SLC35F2: variants seen among roughly 807,000 people sequenced by gnomAD.
The protein encoded by SLC35F2 is solute carrier family 35 member F2, also known as queuine/queuosine transporter SLC35F2.
A neutral mutation model predicts 38.1 loss-of-function variants in SLC35F2; 25 were observed. The observed-to-expected ratio is 0.66, with a 90% CI of 0.48 to 0.92. The LOEUF (loss-of-function observed/expected upper bound fraction) is 0.92. Among genes scored for constraint, SLC35F2 ranks in the 40% least tolerant of loss-of-function variants. The pLI, the probability that SLC35F2 is intolerant of heterozygous loss-of-function variation, is 0.00. For missense variants in SLC35F2, 409 were observed against 452.9 expected (o/e 0.90, Z 0.88); for synonymous variants, 173 against 181.7 (o/e 0.95, Z 0.38).
At chr11:107,825,253 C>T (rs117405197) in intron 1 of SLC35F2, among the ~76,000 whole-genome samples, 1 of 152,032 alleles carries the variant, frequency 6.6e-6, no homozygotes, top group East Asian at 1.9e-4. Flanking sequence ...CAGCCCTAGC[C>T]TGGTGCTTCT....
chr11:107,839,848 T>TTGAGAC (rs1859988517), intron 1 of SLC35F2, among the ~76,000 whole-genome samples: 1 of 152,174 alleles, frequency 6.6e-6, no homozygotes, highest in African/African-American at 2.4e-5. Context: ...ATATGGGGTT[T>TTGAGAC]CTGCATGTTA....
chr11:107,832,679 A>G (rs1859864411), intron 1 of SLC35F2, among the ~76,000 whole-genome samples: 1 of 152,062 alleles, frequency 6.6e-6, no homozygotes, highest in Admixed American at 6.6e-5. Context: ...GATGGCATGC[A>G]CCTATAGTCC....
At chr11:107,835,399 G>A (rs889198254) in intron 1 of SLC35F2, among the ~76,000 whole-genome samples, 8 of 151,458 alleles carry the variant, frequency 5.3e-5, no homozygotes, top group Non-Finnish European at 8.8e-5. Context: ...GAAATAGTCC[G>A]AACCTGGAAG....
chr11:107,794,301 G>C (rs926951109), intron 7 of SLC35F2, among the ~76,000 whole-genome samples: 2 of 151,994 alleles, frequency 1.3e-5, no homozygotes. Context: ...GGCTGGTCTC[G>C]AACACCAGAC....
chr11:107,820,574 ATC>A (rs912487900), intron 1 of SLC35F2, among the ~76,000 whole-genome samples: 2 of 151,870 alleles, frequency 1.3e-5, no homozygotes, highest in African/African-American at 4.8e-5. Context: ...TACGTTCTAT[ATC>A]TCTTTCTCCT....
At chr11:107,814,841 T>C (rs958323092) in intron 2 of SLC35F2, among the ~76,000 whole-genome samples, 1 of 152,116 alleles carries the variant, frequency 6.6e-6, no homozygotes, top group African/African-American at 2.4e-5. Context: ...CTCACGCCTA[T>C]AATCCCAGCA....
chr11:107,814,459 C>CAAA (rs34742139), intron 2 of SLC35F2, among the ~76,000 whole-genome samples: 1 of 110,076 alleles, frequency 9.1e-6, no homozygotes, highest in African/African-American at 3.2e-5. Context: ...GACTCTGCCT[C>CAAA]AAAAAAAAAA....
chr11:107,828,086 A>C (rs1859783528), intron 1 of SLC35F2, among the ~76,000 whole-genome samples: 1 of 152,228 alleles, frequency 6.6e-6, no homozygotes, highest in Non-Finnish European at 1.5e-5. Context: ...AATTCTTAGC[A>C]CTGGGAAGAA....
intron 1 of SLC35F2, among the ~76,000 whole-genome samples, chr11:107,832,544 T>C (rs1859861580): frequency 6.6e-6 from 1 of 152,216 alleles, no homozygotes; most frequent in South Asian, 2.1e-4. Flanking sequence ...GGCTCATGCC[T>C]GTAATCCCAG....
At chr11:107,851,989 T>C (rs1336631921) in intron 1 of SLC35F2, among the ~76,000 whole-genome samples, 1 of 152,184 alleles carries the variant, frequency 6.6e-6, no homozygotes, top group Non-Finnish European at 1.5e-5. Context: ...GTTGATTGGA[T>C]AAAGTCTGCA....
chr11:107,834,506 C>T lies in SLC35F2; in HGVS notation c.111-18541G>A, dbSNP rs570607089. Among the ~76,000 whole-genome samples the T allele has an allele frequency of 2.0e-5, 3 of 152,058 alleles. No homozygotes were observed. The South Asian group carries it at 6.2e-4, about 32-fold the overall frequency. ...TCTCTACTAAAAATACAAAATTAGCCGGGTGTGGTGGCGCATGTCTGTAAA... is the reference window on the plus strand; with the variant it reads ...TCTCTACTAAAAATACAAAATTAGCTGGGTGTGGTGGCGCATGTCTGTAAA... On this transcript the variant is annotated intron_variant, in intron 1 of 7. Coordinates refer to ENST00000525815, the MANE Select transcript of SLC35F2 (RefSeq NM_017515.5).
At chr11:107,836,334 C>CT (rs11329610) in intron 1 of SLC35F2, among the ~76,000 whole-genome samples, 78,560 of 149,616 alleles carry the variant, frequency 0.53, 21,543 homozygotes, top group African/African-American at 0.72. Flanking sequence ...TGCTCTAAAG[C>CT]TTTTTTTTTG....
At chr11:107,822,186 A>G (rs1408337372) in intron 1 of SLC35F2, among the ~76,000 whole-genome samples, 1 of 152,164 alleles carries the variant, frequency 6.6e-6, no homozygotes, top group African/African-American at 2.4e-5. Context: ...GAGGCTGCAG[A>G]TCACACCACT....
intron 1 of SLC35F2, among the ~76,000 whole-genome samples, chr11:107,852,056 A>G (rs950702827): frequency 2.0e-5 from 3 of 152,102 alleles, no homozygotes; most frequent in African/African-American, 7.3e-5. Flanking sequence ...ACCCTGTGGA[A>G]GGCGGAAACC....
intron 1 of SLC35F2, among the ~76,000 whole-genome samples, chr11:107,829,908 C>T (rs1176402983): frequency 3.9e-5 from 6 of 152,050 alleles, no homozygotes; most frequent in Non-Finnish European, 7.4e-5. Flanking sequence ...CAGATATTTT[C>T]ACTTCGTATG....
chr11:107,811,706 G>T lies in SLC35F2; in HGVS notation c.375C>A (p.Ile125=), dbSNP rs773395067. Reference sequence around the variant, plus strand: ...GAGTTGTGTACTGGTAGGCTCTGACGATCACATAATTAGCTTCCACATCTG... The same window carrying T: ...GAGTTGTGTACTGGTAGGCTCTGACTATCACATAATTAGCTTCCACATCTG... The part of the protein sequence containing the change: ...GLADVEANYV[I]VRAYQYTTLT... Residue 125 remains isoleucine (I), a synonymous_variant, in exon 3 of 8, where the codon ATC becomes ATA. Transcript: ENST00000525815. The T allele has an allele frequency of 2.5e-6, 4 of 1,613,790 alleles. No homozygotes were observed.
intron 1 of SLC35F2, among the ~76,000 whole-genome samples, chr11:107,838,627 CTTTT>C (rs71047631): frequency 4.6e-5 from 5 of 108,658 alleles, no homozygotes; most frequent in African/African-American, 1.9e-4. Context: ...GCCCGGCCCT[CTTTT>C]TTTTTTTTTT....
chr11:107,832,904 T>A (rs1203432442), intron 1 of SLC35F2, among the ~76,000 whole-genome samples: 1 of 152,198 alleles, frequency 6.6e-6, no homozygotes, highest in Non-Finnish European at 1.5e-5. Context: ...TCATGTTTAA[T>A]CCTTGTGGCT....
At chr11:107,793,077 C>T (rs1366321445) in intron 7 of SLC35F2, among the ~76,000 whole-genome samples, 2 of 149,440 alleles carry the variant, frequency 1.3e-5, no homozygotes, top group Non-Finnish European at 3.0e-5. Flanking sequence ...CCACCACACC[C>T]GGCCAATTTT....
Sources: allele counts gnomAD v4.1 joint callset (sites outside exome capture counted in the v4.1 genomes callset), GRCh38; gene constraint gnomAD v4.1.1; transcripts MANE v1.5; gene names NCBI Gene and HGNC (gene_info 2026-07-23, HGNC 2026-07-21).